Variants in CCDC178 observed in about 807,000 individuals in gnomAD.
CCDC178 encodes coiled-coil domain-containing protein 178.
A neutral mutation model predicts 117.4 loss-of-function variants in CCDC178; 126 were observed. That is an observed-to-expected ratio of 1.07 (90% CI 0.93 to 1.24). The LOEUF is 1.24. CCDC178 is among the 50% of genes most tolerant of loss of function. The pLI is 0.00. For missense variants in CCDC178, 1,030 were observed against 986.9 expected (o/e 1.04, Z -0.59); for synonymous variants, 283 against 313.4 (o/e 0.90, Z 1.02).
intron 22 of CCDC178, among the ~76,000 whole-genome samples, chr18:32,943,626 C>A (rs2054287049): frequency 1.3e-5 from 2 of 152,250 alleles, no homozygotes; most frequent in South Asian, 2.1e-4. Flanking sequence ...CAGAGAGTAG[C>A]CCCATTGTGT....
intron 6 of CCDC178, among the ~76,000 whole-genome samples, chr18:33,361,580 T>C (rs955754274): frequency 1.3e-5 from 2 of 151,602 alleles, no homozygotes; most frequent in Admixed American, 1.3e-4. Flanking sequence ...GGAGTTAATA[T>C]GAAAAATGTA....
chr18:33,098,971 G>GA (rs963018720), intron 20 of CCDC178, among the ~76,000 whole-genome samples: 31 of 150,840 alleles, frequency 2.1e-4, no homozygotes, highest in South Asian at 1.9e-3. Flanking sequence ...CTTCACAGAA[G>GA]AAAAAAAAAT....
At chr18:33,425,222 G>C (rs1384198770) in intron 2 of CCDC178, among the ~76,000 whole-genome samples, 2 of 152,082 alleles carry the variant, frequency 1.3e-5, no homozygotes, top group Admixed American at 1.3e-4. Context: ...CAGCAAACAG[G>C]AAACAGAGAC....
chr18:33,193,579 TATA>T (rs912589265), intron 20 of CCDC178, among the ~76,000 whole-genome samples: 1 of 152,212 alleles, frequency 6.6e-6, no homozygotes, highest in Non-Finnish European at 1.5e-5. Context: ...AGGTGATTTC[TATA>T]ATGTCTTATC....
intron 12 of CCDC178, among the ~76,000 whole-genome samples, chr18:33,281,439 T>C (rs966197924): frequency 1.3e-5 from 2 of 152,164 alleles, no homozygotes; most frequent in African/African-American, 4.8e-5. Flanking sequence ...TATGTAGTTT[T>C]GGTTATGTTT....
At chr18:33,065,543 G>A (rs998242607) in intron 21 of CCDC178, among the ~76,000 whole-genome samples, 1 of 152,032 alleles carries the variant, frequency 6.6e-6, no homozygotes, top group African/African-American at 2.4e-5. Context: ...AACTTCCTAA[G>A]CCTTGCAAAA....
chr18:33,023,475 G>A (rs1174774588), intron 21 of CCDC178, among the ~76,000 whole-genome samples: 1 of 152,120 alleles, frequency 6.6e-6, no homozygotes, highest in Non-Finnish European at 1.5e-5. Context: ...TAATTTGTGG[G>A]TCAAAGAGGA....
intron 21 of CCDC178, among the ~76,000 whole-genome samples, chr18:32,989,367 T>C (rs2055340658): frequency 6.6e-6 from 1 of 152,184 alleles, no homozygotes. Flanking sequence ...AACCATATGA[T>C]CATCTTATTG....
chr18:32,987,108 T>C (rs543123700), intron 21 of CCDC178, among the ~76,000 whole-genome samples: 52 of 151,510 alleles, frequency 3.4e-4, no homozygotes, highest in Admixed American at 3.2e-3. Flanking sequence ...TAGAAAAAAA[T>C]ATAACAATTA....
chr18:32,943,721 C>A (rs1284468795), intron 22 of CCDC178, among the ~76,000 whole-genome samples: 1 of 152,138 alleles, frequency 6.6e-6, no homozygotes, highest in Non-Finnish European at 1.5e-5. Flanking sequence ...AGATACAAAG[C>A]ACTATGGTAT....
chr18:33,261,057 T>G (rs965997989), intron 14 of CCDC178, among the ~76,000 whole-genome samples: 9 of 150,394 alleles, frequency 6.0e-5, no homozygotes, highest in African/African-American at 2.2e-4. Context: ...TCCATATACA[T>G]TTTAATATCA....
chr18:33,186,454 CAT>C lies in CCDC178; in HGVS notation c.2238+25440_2238+25441del, dbSNP rs921461573. On this transcript the variant is annotated intron_variant, in intron 20 of 22. Coordinates refer to ENST00000383096, the MANE Select transcript of CCDC178 (RefSeq NM_001105528.4). The stretch of plus-strand genomic sequence containing the variant: ...AACAACCTGAGAAAGTATTTTCTTA[CAT>C]GTGTAGTGACCAAAACATAGTCAAA... Among the ~76,000 whole-genome samples, 6 of 152,140 alleles carry C rather than the reference CAT, an allele frequency of 3.9e-5. No homozygotes were observed. In the South Asian group the frequency reaches 1.2e-3, roughly 32 times the overall value.
At chr18:33,272,241 CA>C (rs1464180310) in intron 12 of CCDC178, among the ~76,000 whole-genome samples, 1 of 151,278 alleles carries the variant, frequency 6.6e-6, no homozygotes, top group Non-Finnish European at 1.5e-5. Flanking sequence ...TATGAACCTT[CA>C]AAAAGTGATT....
At chr18:32,978,878 A>G (rs1487267508) in intron 21 of CCDC178, among the ~76,000 whole-genome samples, 1 of 152,016 alleles carries the variant, frequency 6.6e-6, no homozygotes, top group Admixed American at 6.5e-5. Context: ...CTTTACTAAA[A>G]ATACAAAAAT....
At chr18:33,236,582 C>A (rs1259562167) in intron 15 of CCDC178, among the ~76,000 whole-genome samples, 1 of 152,118 alleles carries the variant, frequency 6.6e-6, no homozygotes, top group African/African-American at 2.4e-5. Context: ...TGAATACTTT[C>A]TTTAATTTTG....
At chr18:33,015,112 C>T (rs966830738) in intron 21 of CCDC178, among the ~76,000 whole-genome samples, 2 of 151,300 alleles carry the variant, frequency 1.3e-5, no homozygotes, top group Non-Finnish European at 2.9e-5. Flanking sequence ...AAAAATTAGC[C>T]GGGTGTAGTG....
chr18:33,215,589 TC>T lies in CCDC178; in HGVS notation c.2038del (p.Glu680LysfsTer13). The T allele has an allele frequency of 1.3e-6, 2 of 1,491,676 alleles. No homozygotes were observed. The highest frequency in any genetic ancestry group is 1.8e-6 in the Non-Finnish European group (2 of 1,115,756). 92.4% of individuals were successfully genotyped at this position (1,491,676 alleles called of 1,614,324 possible). ...TGTCTGATCAAAACTTTTCTTTTCT[TC>T]TTCTTTTGCTTTTAATTCCTCATTC... Reference protein sequence around the residue: ...ELNEELKAKEEEKKSFDQTLE... With the variant: ...ELNEELKAKEXEKKSFDQTLE... On this transcript the variant is annotated frameshift_variant, in exon 19 of 23. Coordinates refer to ENST00000383096, the MANE Select transcript of CCDC178 (RefSeq NM_001105528.4). LOFTEE classifies it high-confidence loss of function.
At chr18:33,290,154 G>T (rs1436794057) in intron 12 of CCDC178, among the ~76,000 whole-genome samples, 1 of 152,134 alleles carries the variant, frequency 6.6e-6, no homozygotes, top group Admixed American at 6.5e-5. Flanking sequence ...AATTAGCACA[G>T]ATGGCTAAAT....
chr18:33,281,733 C>T (rs943331079), intron 12 of CCDC178, among the ~76,000 whole-genome samples: 2 of 152,160 alleles, frequency 1.3e-5, no homozygotes, highest in African/African-American at 4.8e-5. Flanking sequence ...TGGCAGAATG[C>T]TAAGGTGTAT....
Sources: allele counts gnomAD v4.1 joint callset (sites outside exome capture counted in the v4.1 genomes callset), GRCh38; gene constraint gnomAD v4.1.1; transcripts MANE v1.5; gene names NCBI Gene and HGNC (gene_info 2026-07-23, HGNC 2026-07-21).